PKHD1: variants seen among roughly 807,000 people sequenced by gnomAD.
PKHD1 encodes the protein PKHD1 ciliary IPT domain containing fibrocystin/polyductin, also known as fibrocystin.
In PKHD1, 291 loss-of-function variants were observed where a neutral mutation model predicts 412.0. That is an observed-to-expected ratio of 0.71 (90% CI 0.64 to 0.78). The LOEUF (loss-of-function observed/expected upper bound fraction) is 0.78. PKHD1 is among the 30% of genes least tolerant of loss of function. PKHD1 has a pLI of 0.00. For missense variants in PKHD1, 4,825 were observed against 4,950.7 expected (o/e 0.97, Z 0.76); for synonymous variants, 1,777 against 1,821.5 (o/e 0.98, Z 0.62).
At chr6:51,951,066 A>G (rs1790293854) in intron 36 of PKHD1, among the ~76,000 whole-genome samples, 2 of 152,220 alleles carry the variant, frequency 1.3e-5, no homozygotes, top group African/African-American at 2.4e-5. Flanking sequence ...GAGTGTAAAC[A>G]TATCTGTGGA....
At chr6:52,007,378 G>C (rs1273837111) in intron 35 of PKHD1, among the ~76,000 whole-genome samples, 1 of 152,148 alleles carries the variant, frequency 6.6e-6, no homozygotes, top group African/African-American at 2.4e-5. Flanking sequence ...TTGGAACAGG[G>C]ACCTGGATTG....
intron 35 of PKHD1, among the ~76,000 whole-genome samples, chr6:51,983,857 G>A (rs1225790338): frequency 6.6e-6 from 1 of 152,232 alleles, no homozygotes; most frequent in East Asian, 1.9e-4. Flanking sequence ...TGTGTTTATT[G>A]AAAAGGCACA....
intron 53 of PKHD1, among the ~76,000 whole-genome samples, chr6:51,783,051 C>T (rs1582663639): frequency 6.6e-6 from 1 of 152,170 alleles, no homozygotes; most frequent in Admixed American, 6.5e-5. Context: ...TAATGATGAC[C>T]TTAGGCTTCT....
intron 60 of PKHD1, among the ~76,000 whole-genome samples, chr6:51,675,645 G>A (rs1391293701): frequency 6.6e-6 from 1 of 152,136 alleles, no homozygotes; most frequent in African/African-American, 2.4e-5. Context: ...AAGGAAAAAA[G>A]CGAGATCTGG....
chr6:51,983,941 G>C (rs1795905173), intron 35 of PKHD1, among the ~76,000 whole-genome samples: 1 of 152,162 alleles, frequency 6.6e-6, no homozygotes, highest in Admixed American at 6.5e-5. Flanking sequence ...TTGGTTTTAG[G>C]GTTTGGGGGG....
chr6:51,705,661 A>C (rs1008139280), intron 60 of PKHD1, among the ~76,000 whole-genome samples: 1 of 152,100 alleles, frequency 6.6e-6, no homozygotes, highest in African/African-American at 2.4e-5. Context: ...AAGTCCACTA[A>C]GATTCATTTA....
intron 52 of PKHD1, among the ~76,000 whole-genome samples, chr6:51,826,685 G>A (rs965546954): frequency 1.3e-5 from 2 of 152,030 alleles, no homozygotes; most frequent in South Asian, 2.1e-4. Context: ...AAGTTATCAC[G>A]AACTTAAACT....
At chr6:52,042,768 T>C (rs924956799) in intron 27 of PKHD1, 91 bp downstream of exon 27, 11 of 1,129,236 alleles carry the variant, frequency 9.7e-6, no homozygotes, top group African/African-American at 1.5e-5. Flanking sequence ...ACAGTGAATA[T>C]GGAATTCATT....
At chr6:51,700,471 G>A (rs571191835) in intron 60 of PKHD1, among the ~76,000 whole-genome samples, 11 of 151,934 alleles carry the variant, frequency 7.2e-5, no homozygotes, top group Admixed American at 7.2e-4. Context: ...CTCATTCTAG[G>A]ATTTTCATTC....
At chr6:51,820,706 C>T (rs1199602135) in intron 52 of PKHD1, among the ~76,000 whole-genome samples, 1 of 152,058 alleles carries the variant, frequency 6.6e-6, no homozygotes, top group Non-Finnish European at 1.5e-5. Flanking sequence ...AGTGTGGTAA[C>T]CTAAGGGTCA....
At chr6:51,757,770 A>G (rs1787264393) in intron 55 of PKHD1, among the ~76,000 whole-genome samples, 1 of 152,126 alleles carries the variant, frequency 6.6e-6, no homozygotes, top group African/African-American at 2.4e-5. Context: ...TGGGAAGCCA[A>G]GACAGGAAGA....
At chr6:51,755,451 C>T (rs1156528873) in intron 55 of PKHD1, among the ~76,000 whole-genome samples, 1 of 152,090 alleles carries the variant, frequency 6.6e-6, no homozygotes, top group Non-Finnish European at 1.5e-5. Context: ...AGCTGTGTGA[C>T]CTTGAGAAGT....
chr6:51,770,037 T>G (rs2151118764), intron 55 of PKHD1, among the ~76,000 whole-genome samples: 1 of 151,742 alleles, frequency 6.6e-6, no homozygotes, highest in South Asian at 2.1e-4. Context: ...TATGGATATA[T>G]ATTTTTTAGG....
intron 60 of PKHD1, among the ~76,000 whole-genome samples, chr6:51,687,272 T>A (rs951665632): frequency 1.3e-5 from 2 of 151,400 alleles, no homozygotes; most frequent in Non-Finnish European, 3.0e-5. Flanking sequence ...ACAACAAAAA[T>A]CAGATGATAA....
chr6:51,953,107 T>C (rs1333724673), intron 36 of PKHD1, among the ~76,000 whole-genome samples: 2 of 152,146 alleles, frequency 1.3e-5, no homozygotes, highest in East Asian at 3.9e-4. Context: ...CTTGTTGTAT[T>C]GTCTGCACAT....
intron 60 of PKHD1, among the ~76,000 whole-genome samples, chr6:51,681,184 C>T (rs532959856): frequency 6.6e-6 from 1 of 152,164 alleles, no homozygotes; most frequent in African/African-American, 2.4e-5. Flanking sequence ...AATTTCACTG[C>T]TGTGGAATGT....
chr6:51,742,460 A>G (rs1329826200), intron 60 of PKHD1, among the ~76,000 whole-genome samples: 1 of 152,232 alleles, frequency 6.6e-6, no homozygotes, highest in East Asian at 1.9e-4. Flanking sequence ...GTACTGTAGC[A>G]GTAGTTCAGG....
chr6:51,659,595 C>A lies in PKHD1; in HGVS notation c.10531G>T (p.Gly3511Trp), dbSNP rs112030234. The A allele has an allele frequency of 1.2e-6, 2 of 1,613,720 alleles. No individual in the cohort carries two copies. The highest frequency in any genetic ancestry group is 2.2e-5 in the East Asian group (1 of 44,832). Residue 3511 changes from glycine to tryptophan, a missense_variant, in exon 61 of 67, where the codon GGG (glycine) becomes TGG (tryptophan). Physicochemically the swap from Gly to Trp is radical, Grantham distance 184. Coordinates refer to ENST00000371117, the MANE Select transcript of PKHD1 (RefSeq NM_138694.4). ...AGAGTGGGTGGAATAAAACTTTCCC[C>A]TAAGAAGACGTGGGGGCTCTGGAGC... ...HELQSPHVFL[G>W]ESFIPPTLVQ...
Position 51,823,991 on chromosome 6 carries a change from A to C in PKHD1, c.8302+6870T>G, listed in dbSNP as rs568966156. Among the ~76,000 whole-genome samples the C allele has an allele frequency of 2.6e-5, 4 of 152,338 alleles. No individual in the cohort carries two copies. The South Asian group carries it at 8.3e-4, about 32-fold the overall frequency. On this transcript the variant is annotated intron_variant, in intron 52 of 66. Coordinates refer to ENST00000371117, the MANE Select transcript of PKHD1 (RefSeq NM_138694.4). ...TCCCTTTAATAAATTTTAGGGGTCA[A>C]CTTAAAACACTGGGTTGAAGCATGG...
Sources: gnomAD v4.1 joint callset for allele counts (sites outside exome capture counted in the v4.1 genomes callset) on GRCh38, gnomAD v4.1.1 for gene constraint, MANE v1.5 for transcripts, NCBI Gene and HGNC (gene_info 2026-07-23, HGNC 2026-07-21) for gene names.